ANKRD28: variants seen among roughly 807,000 people sequenced by gnomAD.
ANKRD28 encodes the protein ankyrin repeat domain 28.
ANKRD28 carries 44 observed loss-of-function variants against 126.5 expected under a neutral mutation model. That is an observed-to-expected ratio of 0.35 (90% CI 0.27 to 0.45). ANKRD28 has a LOEUF of 0.45. ANKRD28 is among the 20% of genes least tolerant of loss of function. The probability of loss-of-function intolerance (pLI) is 1.00; values close to 1 mark genes in which losing one functional copy is unlikely to be tolerated. For synonymous variants in ANKRD28, 442 were observed against 468.5 expected (o/e 0.94, Z 0.73); for missense variants, 1,110 against 1,316.6 (o/e 0.84, Z 2.43).
At position 15,709,654 on chromosome 3, in the gene ANKRD28, G is replaced by A; in HGVS notation, c.1406+14C>T. ...TAAAAATAGGCTCCATAAAGAAACT[G>A]TATCATACCCTACCTCCCAAATTTG... is the stretch of plus-strand genomic sequence containing the variant. On this transcript the variant is annotated intron_variant, in intron 13 of 27. Transcript: ENST00000683139. 1.3e-6 allele frequency: 2 copies of A among 1,558,022 alleles called. No homozygotes were observed. Among genetic ancestry groups the A allele is most frequent in the Non-Finnish European group, 1.7e-6 (2 of 1,148,468 alleles).
intron 5 of ANKRD28, 59 bp downstream of exon 5, chr3:15,736,974 A>C: frequency 6.5e-7 from 1 of 1,543,496 alleles, no homozygotes; most frequent in Non-Finnish European, 8.9e-7. Flanking sequence ...CAAGTTCTTT[A>C]ATAAGTGGGG....
intron 2 of ANKRD28, among the ~76,000 whole-genome samples, chr3:15,787,029 GT>G (rs1371923406): frequency 6.6e-6 from 1 of 152,046 alleles, no homozygotes; most frequent in Admixed American, 6.6e-5. Context: ...AATGAAGAGG[GT>G]TAATAATAAC....
intron 4 of ANKRD28, among the ~76,000 whole-genome samples, chr3:15,744,865 TAA>T (rs1407568432): frequency 1.3e-5 from 2 of 152,222 alleles, no homozygotes; most frequent in African/African-American, 4.8e-5. Context: ...ACCGACAGTG[TAA>T]AAGTGTTCCC....
At chr3:15,697,697 T>C (rs2455815) in intron 14 of ANKRD28, among the ~76,000 whole-genome samples, 102,793 of 151,970 alleles carry the variant, frequency 0.68, 35,328 homozygotes, top group East Asian at 0.91. Context: ...ATCAGGGATA[T>C]TGGCCTAAAA....
chr3:15,844,070 T>C (rs1282825950), intron 1 of ANKRD28, among the ~76,000 whole-genome samples: 1 of 152,136 alleles, frequency 6.6e-6, no homozygotes, highest in East Asian at 1.9e-4. Flanking sequence ...TCCATAATGG[T>C]TGATATGAAG....
rs2066140048 is a variant in ANKRD28, at chr3:15,669,162, G to A, written c.*1108C>T. ...TTTAAATCTTGCCCAATACAGAAATGCCTTTCAAGAGACTTTAGTGATGCT... is the reference window on the plus strand; with the variant it reads ...TTTAAATCTTGCCCAATACAGAAATACCTTTCAAGAGACTTTAGTGATGCT... On this transcript the variant is annotated 3_prime_UTR_variant, in exon 28 of 28. Coordinates refer to ENST00000683139, the MANE Select transcript of ANKRD28 (RefSeq NM_001349278.2). 1 of 152,174 alleles carries A rather than the reference G, an allele frequency of 6.6e-6. No individual in the cohort carries two copies. The highest frequency in any genetic ancestry group is 2.4e-5 in the African/African-American group (1 of 41,442). The allele number at this position is 152,174 out of a possible 1,614,324, so 9.4% of individuals were successfully genotyped here.
chr3:15,810,553 C>T (rs2060690374), intron 1 of ANKRD28, among the ~76,000 whole-genome samples: 1 of 150,646 alleles, frequency 6.6e-6, no homozygotes, highest in Non-Finnish European at 1.5e-5. Flanking sequence ...ATGGGATATA[C>T]TAAAAAATAT....
At chr3:15,809,781 T>C (rs2060669147) in intron 1 of ANKRD28, among the ~76,000 whole-genome samples, 2 of 152,246 alleles carry the variant, frequency 1.3e-5, no homozygotes, top group East Asian at 1.9e-4. Context: ...TTCTAAATCA[T>C]AGATAAAATG....
chr3:15,675,969 C>T lies in ANKRD28; in HGVS notation c.2894G>A (p.Arg965Gln), dbSNP rs775463316. Residue 965 changes from arginine (R) to glutamine (Q), a missense_variant, in exon 27 of 28, where the codon CGA (arginine) becomes CAA (glutamine). Transcript: ENST00000683139. ...CTGAACCACCATTGTTAGCCCATTT[C>T]GGGCAGCAACATGCAGAGGTCTAGG... is the stretch of plus-strand genomic sequence containing the variant. ...ALQTPLHVAA[R>Q]NGLTMVVQEL... is the part of the protein sequence containing the mutation. 5.0e-6 allele frequency: 8 copies of T among 1,612,658 alleles called. No homozygotes were observed. Among genetic ancestry groups the T allele is most frequent in the African/African-American group, 4.0e-5 (3 of 74,908 alleles).
At chr3:15,676,810 T>C (rs909526712) in intron 26 of ANKRD28, 164 bp downstream of exon 26, 1 of 512,324 alleles carries the variant, frequency 2.0e-6, no homozygotes, top group African/African-American at 2.0e-5. Context: ...ATATGGCTTT[T>C]AGTTGTGATC....
chr3:15,849,644 A>G (rs969487201), intron 1 of ANKRD28, among the ~76,000 whole-genome samples: 1 of 152,134 alleles, frequency 6.6e-6, no homozygotes, highest in Non-Finnish European at 1.5e-5. Context: ...CTGAATAAAT[A>G]TTCTTAAGGA....
At chr3:15,712,095 A>AG in intron 11 of ANKRD28, 45 bp downstream of exon 11, 1 of 1,449,586 alleles carries the variant, frequency 6.9e-7, no homozygotes, top group South Asian at 1.2e-5. Context: ...AAAAATTTTG[A>AG]GGGGTTTGAG....
chr3:15,854,994 C>T lies in ANKRD28; in HGVS notation c.27+4383G>A, dbSNP rs549235162. On this transcript the variant is annotated intron_variant, in intron 1 of 27. Coordinates refer to the ANKRD28 transcript ENST00000399451. The surrounding 1 kb of genome is among the most constrained non-coding windows in gnomAD (Gnocchi z 4.1). ...AACTAGGGAGGCAGAGGTTGCAATG[C>T]GCCAAGATCGTGCCGCTGCACTCCA... 6.6e-6 allele frequency among the ~76,000 whole-genome samples: 1 copy of T among 152,010 alleles called. No homozygotes were observed. The highest frequency in any genetic ancestry group is 2.4e-5 in the African/African-American group (1 of 41,368).
chr3:15,697,453 T>C (rs1325028559), intron 14 of ANKRD28: 2 of 152,018 alleles, frequency 1.3e-5, no homozygotes, highest in Non-Finnish European at 2.9e-5. Context: ...AAAAACCACC[T>C]GTTCCCCAGG....
Position 15,845,756 on chromosome 3 carries a change from T to C in ANKRD28, c.27+13621A>G, listed in dbSNP as rs1435650480. On this transcript the variant is annotated intron_variant, in intron 1 of 27. Coordinates refer to the ANKRD28 transcript ENST00000399451. This position sits in a 1 kb window ranked among gnomAD's most constrained non-coding sequence, Gnocchi z 4.9. ...TTGACTCACAGTTCCACAGGCTTAA[T>C]AAGAAGTATGACTCAAGAAACTTAG... Among the ~76,000 whole-genome samples the C allele has an allele frequency of 6.6e-6, 1 of 152,144 alleles. No individual in the cohort carries two copies. Among genetic ancestry groups the C allele is most frequent in the Non-Finnish European group, 1.5e-5 (1 of 68,010 alleles).
chr3:15,678,376 A>G (rs1419556155), intron 23 of ANKRD28, 22 bp from the exon 24 acceptor site: 2 of 1,578,980 alleles, frequency 1.3e-6, no homozygotes, highest in Admixed American at 3.7e-5. Flanking sequence ...AAAAATTGAA[A>G]TATATGACTA....
rs1434159942 is a variant in ANKRD28, at chr3:15,696,137, C to A, written c.1656G>T (p.Gln552His). The A allele has an allele frequency of 1.9e-6, 3 of 1,564,904 alleles. No individual in the cohort carries two copies. The South Asian group carries it at 3.5e-5, about 18-fold the overall frequency. The change falls in exon 15 of 28, where the codon CAG becomes CAT. Residue 552 changes from glutamine (Q) to histidine (H), a missense_variant. Transcript: ENST00000683139. ...CACAAGAATTCAGGAATCTTACCAG[C>A]TGAAGACATAGACGGTGACCATAAG... ...SAAYGHRLCL[Q>H]LIASETPLDV...
chr3:15,787,273 GGA>G (rs2059822750), intron 2 of ANKRD28, among the ~76,000 whole-genome samples: 1 of 152,112 alleles, frequency 6.6e-6, no homozygotes, highest in Admixed American at 6.6e-5. Context: ...TGGTTCCAGT[GGA>G]TAATACCTTC....
Position 15,745,249 on chromosome 3 carries a change from A to AT in ANKRD28, c.351+6500dup, listed in dbSNP as rs570751958. On this transcript the variant is annotated intron_variant, in intron 4 of 27. Coordinates refer to ENST00000683139, the MANE Select transcript of ANKRD28 (RefSeq NM_001349278.2). Reference sequence around the variant, plus strand: ...TTTTCAGTTTAATTAAGTCCCATCTATTTTTTGCTTTTGGATTCTTGGTCA... The same window carrying AT: ...TTTTCAGTTTAATTAAGTCCCATCTATTTTTTTGCTTTTGGATTCTTGGTCA... Among the ~76,000 whole-genome samples the AT allele has an allele frequency of 1.5e-3, 223 of 151,754 alleles. 2 individuals carry two copies. The highest frequency in any genetic ancestry group is 5.2e-3 in the African/African-American group (217 of 41,416).
Sources: allele counts gnomAD v4.1 joint callset (sites outside exome capture counted in the v4.1 genomes callset), GRCh38; gene constraint gnomAD v4.1.1; non-coding constraint Gnocchi (gnomAD v3.1); transcripts MANE v1.5; gene names NCBI Gene and HGNC (gene_info 2026-07-23, HGNC 2026-07-21).